Variants in CNNM3 observed in about 807,000 individuals in gnomAD.
CNNM3 encodes metal transporter CNNM3.
CNNM3 carries 47 observed loss-of-function variants against 57.1 expected under a neutral mutation model. The ratio of observed to expected loss-of-function variants is 0.82; its 90% CI spans 0.65 to 1.05. CNNM3 has a LOEUF of 1.05. Ranked by LOEUF, CNNM3 falls within the 50% of genes least tolerant of loss-of-function variation. CNNM3 has a pLI of 0.00. For synonymous variants in CNNM3, 507 were observed against 478.2 expected, an observed-to-expected ratio of 1.06 and a Z score of -0.79; for missense variants, 957 against 973.7, an observed-to-expected ratio of 0.98 and a Z score of 0.23.
At chr2:96,828,384 C>A in intron 5 of CNNM3, 183 bp from the exon 6 acceptor site, 2 of 854,668 alleles carry the variant, frequency 2.3e-6, no homozygotes, top group Non-Finnish European at 3.6e-6. Context: ...CTTTGTGGCC[C>A]ACTCCACCCC....
chr2:96,824,342 C>A (rs142799566), intron 1 of CNNM3, among the ~76,000 whole-genome samples: 1 of 152,208 alleles, frequency 6.6e-6, no homozygotes, highest in African/African-American at 2.4e-5. Flanking sequence ...CAGCTTGGCT[C>A]CCGAGTGGCC....
Position 96,828,173 on chromosome 2 carries a change from G to T in CNNM3, c.1764G>T (p.Ser588=), listed in dbSNP as rs981987545. The change falls in exon 5 of 8, where the codon TCG becomes TCT. Residue 588 remains serine, a synonymous_variant. Transcript: ENST00000305510. ...ENGAFTYYGV[S]ALTVPSSVHQ... The stretch of plus-strand genomic sequence containing the variant: ...GGGCCTTCACGTACTATGGAGTGTC[G>T]GCCCTAACTGTGCCATCCTCGGGTA... 1 of 1,613,992 alleles carries T rather than the reference G, an allele frequency of 6.2e-7. No individual in the cohort carries two copies. The highest frequency in any genetic ancestry group is 1.7e-5 in the Admixed American group (1 of 60,008).
At chr2:96,826,743 G>A in intron 2 of CNNM3, 90 bp from the exon 3 acceptor site, 5 of 1,499,204 alleles carry the variant, frequency 3.3e-6, no homozygotes, top group Non-Finnish European at 4.6e-6. Context: ...CTGGCCTCAG[G>A]AGGAAGGAGC....
downstream of CNNM3, chr2:96,837,285 T>C (rs2153358080): frequency 6.6e-6 from 1 of 152,360 alleles, no homozygotes; most frequent in South Asian, 2.1e-4. Context: ...TGTATGTTAA[T>C]TTGAGGAGAA....
At chr2:96,827,995 C>G in intron 4 of CNNM3, 95 bp downstream of exon 4, 1 of 1,557,006 alleles carries the variant, frequency 6.4e-7, no homozygotes, top group Non-Finnish European at 8.8e-7. Context: ...GGATATGCAC[C>G]CTCCCACCCC....
rs61730516 is a variant in CNNM3, at chr2:96,825,149, C to G, written c.1317C>G (p.Asp439Glu). The stretch of plus-strand genomic sequence containing the variant: ...TCCTGGGCCTGGTCACCCTGGAGGA[C>G]GTGATCGAGGAGATCATCAGGTCCG... ...YEVLGLVTLE[D>E]VIEEIIRSEI... Residue 439 changes from aspartate to glutamate, a missense_variant, in exon 2 of 8, where the codon GAC becomes GAG. By Grantham distance (45) the Asp-to-Glu change is conservative (BLOSUM62 2). Around this residue, in one of 2 missense-constraint regions of CNNM3, gnomAD observed 491 missense variants for 570.6 expected, o/e 0.86. Transcript: ENST00000305510. 1.9e-6 allele frequency: 3 copies of G among 1,614,108 alleles called. No homozygotes were observed. The highest frequency in any genetic ancestry group is 2.5e-6 in the Non-Finnish European group (3 of 1,180,022).
At chr2:96,835,913 A>G (rs929991489), downstream of CNNM3, among the ~76,000 whole-genome samples, 5 of 151,774 alleles carry the variant, frequency 3.3e-5, no homozygotes, top group African/African-American at 1.2e-4. Flanking sequence ...TTTCATTTGC[A>G]TTTCCCAGTG....
intron 7 of CNNM3, among the ~76,000 whole-genome samples, chr2:96,831,283 T>C (rs2079598595): frequency 6.6e-6 from 1 of 152,180 alleles, no homozygotes; most frequent in Admixed American, 6.5e-5. Context: ...TTTTGTCCCG[T>C]GAGCTTGGCA....
chr2:96,819,972 T>C (rs943517806), intron 1 of CNNM3, among the ~76,000 whole-genome samples: 1 of 152,208 alleles, frequency 6.6e-6, no homozygotes, highest in African/African-American at 2.4e-5. Context: ...AAAATGTTCA[T>C]GTTCGTTGGG....
intron 7 of CNNM3, among the ~76,000 whole-genome samples, chr2:96,830,811 G>A (rs1158061794): frequency 6.6e-6 from 1 of 152,312 alleles, no homozygotes; most frequent in East Asian, 1.9e-4. Context: ...AGTAGCTAGT[G>A]CCGCACCTTT....
intron 7 of CNNM3, 48 bp from the exon 8 acceptor site, chr2:96,832,504 A>C (rs772262742): frequency 6.2e-7 from 1 of 1,612,744 alleles, no homozygotes. Context: ...TTTTGACAGG[A>C]TACTTTACCA....
At position 96,818,026 on chromosome 2, in the gene CNNM3, A is replaced by G. The variant is rs1393115909; in HGVS notation, c.1225+524A>G. The stretch of plus-strand genomic sequence containing the variant: ...TGCAGATAAGGGTATTTAGGTGTCA[A>G]TCCCTTATCTGCGGTAAAGTCAGGG... On this transcript the variant is annotated intron_variant, in intron 1 of 7. Transcript: ENST00000305510. Among the ~76,000 whole-genome samples, 5 of 152,186 alleles carry G rather than the reference A, an allele frequency of 3.3e-5. No individual in the cohort carries two copies. In the South Asian group the frequency reaches 6.2e-4, roughly 19 times the overall value.
intron 2 of CNNM3, 123 bp from the exon 3 acceptor site, chr2:96,826,710 G>A (rs2079511868): frequency 7.7e-6 from 9 of 1,171,684 alleles, no homozygotes; most frequent in East Asian, 4.7e-5. Context: ...CTGGCGTTCC[G>A]ATGCTGCTCC....
chr2:96,831,132 T>C (rs1364282725), intron 7 of CNNM3, among the ~76,000 whole-genome samples: 1 of 152,208 alleles, frequency 6.6e-6, no homozygotes. Context: ...GATAGTGGCT[T>C]TGTGGGTCAT....
chr2:96,816,973 G>C lies in CNNM3; in HGVS notation c.696G>C (p.Val232=), dbSNP rs2079330178. Residue 232 remains valine, a synonymous_variant, in exon 1 of 8, where the codon GTG becomes GTC. Coordinates refer to ENST00000305510, the MANE Select transcript of CNNM3 (RefSeq NM_017623.5). ...VPAVLGSAGL[V]FLVGEVVPAA... ...CCGTGTTGGGCAGCGCGGGGCTCGT[G>C]TTCCTGGTGGGAGAGGTGGTGCCGG... The C allele has an allele frequency of 1.5e-6, 2 of 1,351,722 alleles. No individual in the cohort carries two copies. 83.7% of individuals were successfully genotyped at this position (1,351,722 alleles called of 1,614,324 possible).
At position 96,816,286 on chromosome 2, in the gene CNNM3, G is replaced by A. The variant is rs745774159; in HGVS notation, c.9G>A (p.Ala3=). 4.6e-6 allele frequency: 6 copies of A among 1,304,532 alleles called. No individual in the cohort carries two copies. In the East Asian group the frequency reaches 1.2e-4, roughly 26 times the overall value. The allele number at this position is 1,304,532 out of a possible 1,614,324, so 80.8% of individuals were successfully genotyped here. A position where few individuals can be genotyped will look rare whatever the true frequency, so the allele number is the denominator to read the frequency against. The change falls in exon 1 of 8, where the codon GCG becomes GCA. Residue 3 remains alanine, a synonymous_variant. Coordinates refer to ENST00000305510, the MANE Select transcript of CNNM3 (RefSeq NM_017623.5). MA[A]AVAAAGRLGW... is the part of the protein sequence containing the mutation. ...AGAGGGGGCAGCAGGCGATGGCGGC[G>A]GCGGTAGCTGCGGCGGGTCGGTTAG...
In CNNM3 at chr2:96,817,327, G is replaced by T. The variant is rs764162708; in HGVS notation, c.1050G>T (p.Pro350=). The T allele has an allele frequency of 1.9e-6, 3 of 1,613,994 alleles. No homozygotes were observed. The highest frequency in any genetic ancestry group is 2.5e-6 in the Non-Finnish European group (3 of 1,180,058). Reference sequence around the variant, plus strand: ...TGCAGAGCGGCCACACGCGCATCCCGGTGTACGAGGAGGAGCGCTCCAACA... The same window carrying T: ...TGCAGAGCGGCCACACGCGCATCCCTGTGTACGAGGAGGAGCGCTCCAACA... ...SIMQSGHTRI[P]VYEEERSNIV... is the part of the protein sequence containing the mutation. Residue 350 remains proline (P), a synonymous_variant, in exon 1 of 8, where the codon CCG becomes CCT. Transcript: ENST00000305510.
At chr2:96,832,249 T>C (rs1052939568) in intron 7 of CNNM3, 7 of 985,240 alleles carry the variant, frequency 7.1e-6, no homozygotes, top group Non-Finnish European at 8.4e-6. Context: ...CTGTGGAAAA[T>C]GGTGCTTCCT....
In CNNM3 at chr2:96,828,150, G is replaced by A. The variant is rs781268089; in HGVS notation, c.1741G>A (p.Ala581Thr). 4.3e-6 allele frequency: 7 copies of A among 1,614,018 alleles called. No homozygotes were observed. The African/African-American group carries it at 9.3e-5, about 22-fold the overall frequency. ...GKEGLKFENGAFTYYGVSALT... is the reference protein window; with the variant it reads ...GKEGLKFENGTFTYYGVSALT... ...AGAGGGTCTGAAGTTTGAGAATGGGGCCTTCACGTACTATGGAGTGTCGGC... is the reference window on the plus strand; with the variant it reads ...AGAGGGTCTGAAGTTTGAGAATGGGACCTTCACGTACTATGGAGTGTCGGC... Residue 581 changes from alanine (A) to threonine (T), a missense_variant, in exon 5 of 8, where the codon GCC (alanine) becomes ACC (threonine). By Grantham distance (58) the Ala-to-Thr change is moderately conservative. Transcript: ENST00000305510.
Sources: gnomAD v4.1 joint callset for allele counts (sites outside exome capture counted in the v4.1 genomes callset) on GRCh38, gnomAD v4.1.1 for gene constraint, gnomAD v4.1.1 regional missense constraint, MANE v1.5 for transcripts, NCBI Gene and HGNC (gene_info 2026-07-23, HGNC 2026-07-21) for gene names.